The following EXOC6B variants were observed in gnomAD, a reference collection of about 807,000 sequenced individuals.
EXOC6B encodes the protein exocyst complex component 6B.
Under a neutral mutation model 113.5 loss-of-function variants are expected in EXOC6B, and 54 were observed. The observed-to-expected ratio is 0.48, with a 90% CI of 0.38 to 0.60. The LOEUF is 0.60. EXOC6B is among the 20% of genes least tolerant of loss of function. The pLI, the probability that EXOC6B is intolerant of heterozygous loss-of-function variation, is 0.00. For missense variants in EXOC6B, 797 were observed against 977.5 expected (o/e 0.82, Z 2.46); for synonymous variants, 357 against 339.0 (o/e 1.05, Z -0.58).
intron 8 of EXOC6B, among the ~76,000 whole-genome samples, chr2:72,521,785 C>T (rs1701501868): frequency 6.6e-6 from 1 of 152,116 alleles, no homozygotes; most frequent in Non-Finnish European, 1.5e-5. Context: ...CAACCTCCGC[C>T]TCCCGGGTTC....
intron 11 of EXOC6B, among the ~76,000 whole-genome samples, chr2:72,500,952 A>G (rs1700286867): frequency 6.6e-6 from 1 of 152,140 alleles, no homozygotes; most frequent in African/African-American, 2.4e-5. Flanking sequence ...TTACCTTTTC[A>G]TTAGATTAAA....
chr2:72,376,181 G>A (rs1274358645), intron 19 of EXOC6B, among the ~76,000 whole-genome samples: 1 of 152,108 alleles, frequency 6.6e-6, no homozygotes, highest in Non-Finnish European at 1.5e-5. Flanking sequence ...TTATAGATCT[G>A]GGTTGACATA....
At chr2:72,351,911 C>T (rs2104945135) in intron 19 of EXOC6B, among the ~76,000 whole-genome samples, 1 of 152,330 alleles carries the variant, frequency 6.6e-6, no homozygotes, top group Middle Eastern at 3.4e-3. Context: ...GACCACCCCA[C>T]TTCATTTCAC....
In EXOC6B at chr2:72,590,537, T is replaced by C. The variant is rs111593343; in HGVS notation, c.670-14869A>G. Reference sequence around the variant, plus strand: ...GATCTAAAGCCTAGCTTTGTCCACATTGAGGGTTTTTGTTAAAGATTCAAA... The same window carrying C: ...GATCTAAAGCCTAGCTTTGTCCACACTGAGGGTTTTTGTTAAAGATTCAAA... On this transcript the variant is annotated intron_variant, in intron 6 of 21. Transcript: ENST00000272427. Among the ~76,000 whole-genome samples the C allele has an allele frequency of 5.3e-3, 812 of 152,110 alleles. 12 individuals carry two copies. Among genetic ancestry groups the C allele is most frequent in the African/African-American group, 0.018 (753 of 41,560 alleles).
chr2:72,752,857 C>T (rs1458808439), intron 1 of EXOC6B, among the ~76,000 whole-genome samples: 6 of 151,976 alleles, frequency 3.9e-5, no homozygotes, highest in Non-Finnish European at 8.8e-5. Flanking sequence ...ATCTCTATTC[C>T]CACGGCTTCT....
intron 6 of EXOC6B, among the ~76,000 whole-genome samples, chr2:72,695,280 G>A (rs572719937): frequency 6.6e-6 from 1 of 152,112 alleles, no homozygotes; most frequent in Non-Finnish European, 1.5e-5. Flanking sequence ...AAAGCACAAA[G>A]CTCCTGCAGT....
chr2:72,552,912 T>C (rs1464525990), intron 8 of EXOC6B, among the ~76,000 whole-genome samples: 1 of 151,872 alleles, frequency 6.6e-6, no homozygotes, highest in Non-Finnish European at 1.5e-5. Context: ...GATTAATCAA[T>C]GAAAAAAGTC....
intron 6 of EXOC6B, among the ~76,000 whole-genome samples, chr2:72,620,557 A>G (rs1391581183): frequency 1.3e-5 from 2 of 150,212 alleles, no homozygotes; most frequent in Non-Finnish European, 2.9e-5. Flanking sequence ...AAATGCTACA[A>G]GAAAACCTAG....
At chr2:72,593,040 T>C (rs1442662579) in intron 6 of EXOC6B, among the ~76,000 whole-genome samples, 1 of 152,084 alleles carries the variant, frequency 6.6e-6, no homozygotes, top group African/African-American at 2.4e-5. Context: ...TAATCATGTA[T>C]ATGCAATGGA....
chr2:72,508,504 G>T lies in EXOC6B; in HGVS notation c.1167+4628C>A, dbSNP rs1700730244. ...AAAATTAAGCCGGCCGGGCATAGTGGTTCATGCCTGTAATCCCAGCCCTTT... is the reference window on the plus strand; with the variant it reads ...AAAATTAAGCCGGCCGGGCATAGTGTTTCATGCCTGTAATCCCAGCCCTTT... On this transcript the variant is annotated intron_variant, in intron 11 of 21. Transcript: ENST00000272427. 3.9e-5 allele frequency among the ~76,000 whole-genome samples: 6 copies of T among 152,252 alleles called. No individual in the cohort carries two copies. The South Asian group carries it at 1.2e-3, about 32-fold the overall frequency.
At chr2:72,745,131 A>C (rs1681610111) in intron 1 of EXOC6B, among the ~76,000 whole-genome samples, 1 of 152,178 alleles carries the variant, frequency 6.6e-6, no homozygotes, top group South Asian at 2.1e-4. Flanking sequence ...ATACATTTGT[A>C]GAATAGTATA....
At chr2:72,241,425 GAAGA>G (rs1682305887) in intron 20 of EXOC6B, among the ~76,000 whole-genome samples, 1 of 152,142 alleles carries the variant, frequency 6.6e-6, no homozygotes. Context: ...ATCAAAATGA[GAAGA>G]AAGAAAGGAA....
At chr2:72,415,520 C>CT (rs1250123251) in intron 18 of EXOC6B, among the ~76,000 whole-genome samples, 1,991 of 141,358 alleles carry the variant, frequency 0.014, 40 homozygotes, top group African/African-American at 0.044. Flanking sequence ...TCTGTGGTTT[C>CT]TTTTTTTTTT....
chr2:72,378,298 A>G (rs1691478604), intron 19 of EXOC6B, among the ~76,000 whole-genome samples: 1 of 152,176 alleles, frequency 6.6e-6, no homozygotes, highest in South Asian at 2.1e-4. Context: ...TTGCTCCACC[A>G]ATCCCAGCTG....
intron 6 of EXOC6B, among the ~76,000 whole-genome samples, chr2:72,590,849 C>T (rs1705898977): frequency 6.6e-6 from 1 of 151,782 alleles, no homozygotes; most frequent in African/African-American, 2.4e-5. Flanking sequence ...TATGAAAGAC[C>T]AAACAAAAGA....
At chr2:72,686,132 T>G (rs1677074061) in intron 6 of EXOC6B, among the ~76,000 whole-genome samples, 1 of 152,148 alleles carries the variant, frequency 6.6e-6, no homozygotes. Flanking sequence ...CCCAATTTTC[T>G]CCGGACAGAG....
chr2:72,325,150 T>C (rs1688056114), intron 20 of EXOC6B, among the ~76,000 whole-genome samples: 2 of 152,310 alleles, frequency 1.3e-5, no homozygotes, highest in Admixed American at 1.3e-4. Context: ...TTGAATTTCA[T>C]TTCATGTACA....
At chr2:72,432,228 G>C (rs1389309647) in intron 18 of EXOC6B, among the ~76,000 whole-genome samples, 1 of 151,910 alleles carries the variant, frequency 6.6e-6, no homozygotes, top group African/African-American at 2.4e-5. Flanking sequence ...TAGAGACGCA[G>C]TTTCACCATG....
chr2:72,505,468 T>C (rs1344637460), intron 11 of EXOC6B, among the ~76,000 whole-genome samples: 1 of 152,196 alleles, frequency 6.6e-6, no homozygotes, highest in Admixed American at 6.5e-5. Context: ...TTCAATTGTC[T>C]TGATATCCAA....
Sources: gnomAD v4.1 joint callset for allele counts (sites outside exome capture counted in the v4.1 genomes callset) on GRCh38, gnomAD v4.1.1 for gene constraint, MANE v1.5 for transcripts, NCBI Gene and HGNC (gene_info 2026-07-23, HGNC 2026-07-21) for gene names.